Variants in C6orf132 observed in about 807,000 individuals in gnomAD.
C6orf132 encodes uncharacterized protein C6orf132.
C6orf132 carries 43 observed loss-of-function variants against 65.3 expected under a neutral mutation model. The ratio of observed to expected loss-of-function variants is 0.66; its 90% CI spans 0.52 to 0.85. The LOEUF (loss-of-function observed/expected upper bound fraction) is 0.85, where lower values mean the gene tolerates loss of function less well. Among genes scored for constraint, C6orf132 ranks in the 40% least tolerant of loss-of-function variants. The pLI, the probability that C6orf132 is intolerant of heterozygous loss-of-function variation, is 0.00. For synonymous variants in C6orf132, 631 were observed against 654.1 expected (o/e 0.96, Z 0.54); for missense variants, 1,488 against 1,548.8 (o/e 0.96, Z 0.66).
intron 2 of C6orf132, among the ~76,000 whole-genome samples, chr6:42,119,945 T>C (rs1766652801): frequency 6.6e-6 from 1 of 151,642 alleles, no homozygotes; most frequent in Admixed American, 6.6e-5. Context: ...AAATACAAAA[T>C]TAGCAGGGCA....
chr6:42,110,691 C>A (rs1216390368), intron 2 of C6orf132, among the ~76,000 whole-genome samples: 1 of 152,146 alleles, frequency 6.6e-6, no homozygotes, highest in East Asian at 1.9e-4. Context: ...GGTTGGTTAA[C>A]ATTGAACTCA....
chr6:42,132,868 AGAAAAG>A (rs1301561378), intron 1 of C6orf132, among the ~76,000 whole-genome samples: 1 of 135,948 alleles, frequency 7.4e-6, no homozygotes, highest in African/African-American at 2.9e-5. Context: ...AAAAAAAAAA[AGAAAAG>A]AAAAGAAAAG....
intron 2 of C6orf132, among the ~76,000 whole-genome samples, chr6:42,123,556 AAG>A (rs1766722284): frequency 6.6e-6 from 1 of 151,756 alleles, no homozygotes; most frequent in Non-Finnish European, 1.5e-5. Flanking sequence ...GAGGAAGAGG[AAG>A]AGAAGAAGAA....
At chr6:42,141,073 C>A (rs1767023277) in intron 1 of C6orf132, among the ~76,000 whole-genome samples, 1 of 152,340 alleles carries the variant, frequency 6.6e-6, no homozygotes, top group East Asian at 1.9e-4. Context: ...TAATCATTTA[C>A]AGCAAAGGCT....
chr6:42,128,664 G>A lies in C6orf132; in HGVS notation c.252+8C>T, dbSNP rs989062669. 40 of 1,548,322 alleles carry A rather than the reference G, an allele frequency of 2.6e-5. No individual in the cohort carries two copies. Among genetic ancestry groups the A allele is most frequent in the South Asian group, 3.6e-5 (3 of 83,982 alleles). On this transcript the variant is annotated splice_region_variant and intron_variant, in intron 2 of 4. Coordinates refer to ENST00000341865, the MANE Select transcript of C6orf132 (RefSeq NM_001164446.3). The stretch of plus-strand genomic sequence containing the variant: ...GACTCTCCAACCTCAGAGCAGAACC[G>A]TACTCACCAGCGGAAGGAAGGTCAG...
chr6:42,118,655 TG>T lies in C6orf132; in HGVS notation c.253-8365del, dbSNP rs1265756424. 3.3e-5 allele frequency among the ~76,000 whole-genome samples: 5 copies of T among 152,268 alleles called. No homozygotes were observed. In the East Asian group the frequency reaches 9.7e-4, roughly 29 times the overall value. The stretch of plus-strand genomic sequence containing the variant: ...CAGCACCTCCCTCTTTGGGCCAGCC[TG>T]GGCAGCCGGCCACAGCCACTCCCTG... On this transcript the variant is annotated intron_variant, in intron 2 of 4. Transcript: ENST00000341865.
At chr6:42,109,039 G>A (rs1199467957) in intron 3 of C6orf132, among the ~76,000 whole-genome samples, 2 of 152,208 alleles carry the variant, frequency 1.3e-5, no homozygotes, top group African/African-American at 4.8e-5. Flanking sequence ...ACGCTTGAAC[G>A]GGACAATGAA....
At position 42,106,820 on chromosome 6, in the gene C6orf132, C is replaced by T. The variant is rs1206927321; in HGVS notation, c.1092G>A (p.Gly364=). Reference sequence around the variant, plus strand: ...TGGCTGGTGCTGTGGCCTTGAGCTCCCCAGGGCAGTCTGGCTCGGGGGCCC... The same window carrying T: ...TGGCTGGTGCTGTGGCCTTGAGCTCTCCAGGGCAGTCTGGCTCGGGGGCCC... ...PDRAPEPDCP[G]ELKATAPASP... The change falls in exon 4 of 5, where the codon GGG becomes GGA. Residue 364 remains glycine, a synonymous_variant. Coordinates refer to ENST00000341865, the MANE Select transcript of C6orf132 (RefSeq NM_001164446.3). 2 of 1,535,308 alleles carry T rather than the reference C, an allele frequency of 1.3e-6. No individual in the cohort carries two copies.
At position 42,124,059 on chromosome 6, in the gene C6orf132, C is replaced by T. The variant is rs1177134172; in HGVS notation, c.252+4613G>A. 6.6e-6 allele frequency among the ~76,000 whole-genome samples: 1 copy of T among 152,196 alleles called. No homozygotes were observed. The highest frequency in any genetic ancestry group is 1.5e-5 in the Non-Finnish European group (1 of 68,028). ...AGGAAGTCATTTTAACACAGAAAGT[C>T]GTGGCTGGGGAGACCCTTGAGGACT... On this transcript the variant is annotated intron_variant, in intron 2 of 4. Coordinates refer to ENST00000341865, the MANE Select transcript of C6orf132 (RefSeq NM_001164446.3). The surrounding 1 kb of genome is among the most constrained non-coding windows in gnomAD (Gnocchi z 4.0).
chr6:42,115,280 A>T (rs1326823269), intron 2 of C6orf132, among the ~76,000 whole-genome samples: 1 of 142,352 alleles, frequency 7.0e-6, no homozygotes, highest in Non-Finnish European at 1.5e-5. Context: ...ACAGAGTAAG[A>T]CTCCATCTCA....
intron 2 of C6orf132, among the ~76,000 whole-genome samples, chr6:42,110,837 C>T (rs868267425): frequency 2.0e-5 from 3 of 152,350 alleles, no homozygotes; most frequent in Middle Eastern, 3.4e-3. Context: ...ATTTTCACTG[C>T]TCTGTGCATG....
rs549282948 is a variant in C6orf132 at position 42,101,487 on chromosome 6, T to G, written c.*2274A>C. On this transcript the variant is annotated 3_prime_UTR_variant, in exon 5 of 5. Transcript: ENST00000341865. ...GGCAGTCTATCCATACTAAGCACAG[T>G]GGCTTGTATCCAGTAGTTACCCAAA... The G allele has an allele frequency of 6.6e-6, 1 of 152,332 alleles. No homozygotes were observed. The highest frequency in any genetic ancestry group is 6.5e-5 in the Admixed American group (1 of 15,304). The allele number at this position is 152,332 out of a possible 1,614,324, so 9.4% of individuals were successfully genotyped here. A position where few individuals can be genotyped will look rare whatever the true frequency, so the allele number is the denominator to read the frequency against.
At chr6:42,131,538 C>T (rs889116216) in intron 1 of C6orf132, among the ~76,000 whole-genome samples, 2 of 152,232 alleles carry the variant, frequency 1.3e-5, no homozygotes, top group Non-Finnish European at 2.9e-5. Flanking sequence ...AACTACCATA[C>T]ATACACCCCT....
At chr6:42,142,055 G>C (rs898692483) in intron 1 of C6orf132, among the ~76,000 whole-genome samples, 2 of 152,012 alleles carry the variant, frequency 1.3e-5, no homozygotes, top group African/African-American at 4.8e-5. Flanking sequence ...AGGTGGGGGC[G>C]GCAAAGTTCT....
Position 42,106,094 on chromosome 6 carries a change from A to T in C6orf132, c.1818T>A (p.Asp606Glu). 15 of 1,537,246 alleles carry T rather than the reference A, an allele frequency of 9.8e-6. No homozygotes were observed. The highest frequency in any genetic ancestry group is 1.3e-5 in the Non-Finnish European group (15 of 1,146,904). ...CCACAGGCTTGGAGAGTTTGTCATC[A>T]TCAGCCCCGTTTTCACAAATTCTTC... The part of the protein sequence containing the change: ...EGGRICENGA[D>E]DDKLSKPVAK... The change falls in exon 4 of 5, where the codon GAT becomes GAA. Residue 606 changes from aspartate (D) to glutamate (E), a missense_variant. Physicochemically the swap from Asp to Glu is conservative, Grantham distance 45. Transcript: ENST00000341865.
intron 1 of C6orf132, among the ~76,000 whole-genome samples, chr6:42,141,644 A>T (rs1767034509): frequency 6.6e-6 from 1 of 152,158 alleles, no homozygotes; most frequent in African/African-American, 2.4e-5. Flanking sequence ...CCTCGGTCTT[A>T]GCCCAGAGAC....
intron 2 of C6orf132, among the ~76,000 whole-genome samples, chr6:42,122,346 C>T (rs1183314196): frequency 6.6e-6 from 1 of 152,176 alleles, no homozygotes; most frequent in Non-Finnish European, 1.5e-5. Flanking sequence ...CCTAAATGGC[C>T]CTGAGCCCAC....
intron 2 of C6orf132, 34 bp from the exon 3 acceptor site, chr6:42,110,325 G>A: frequency 6.7e-7 from 1 of 1,499,422 alleles, no homozygotes; most frequent in African/African-American, 1.4e-5. Flanking sequence ...AGGGGACAGG[G>A]AAAGATGGAC....
At chr6:42,133,437 G>A (rs973678775) in intron 1 of C6orf132, among the ~76,000 whole-genome samples, 2 of 152,198 alleles carry the variant, frequency 1.3e-5, no homozygotes, top group African/African-American at 4.8e-5. Context: ...GGACCACAGA[G>A]GCAGCATTGG....
Sources: allele counts gnomAD v4.1 joint callset (sites outside exome capture counted in the v4.1 genomes callset), GRCh38; gene constraint gnomAD v4.1.1; non-coding constraint Gnocchi (gnomAD v3.1); transcripts MANE v1.5; gene names NCBI Gene and HGNC (gene_info 2026-07-23, HGNC 2026-07-21).